ATL2: variants seen among roughly 807,000 people sequenced by gnomAD.
The protein encoded by ATL2 is atlastin GTPase 2, also known as atlastin-2.
A neutral mutation model predicts 73.9 loss-of-function variants in ATL2; 31 were observed. The ratio of observed to expected loss-of-function variants is 0.42; its 90% confidence interval spans 0.32 to 0.57. The LOEUF (loss-of-function observed/expected upper bound fraction) is 0.57. ATL2 is among the 20% of genes least tolerant of loss of function. The pLI is 0.14. For synonymous variants in ATL2, 291 were observed against 237.5 expected (o/e 1.23, Z -2.07); for missense variants, 738 against 702.6 (o/e 1.05, Z -0.57).
chr2:38,309,484 T>A lies in ATL2; in HGVS notation c.966A>T (p.Arg322=), dbSNP rs2305243. 7 of 1,611,250 alleles carry A rather than the reference T, an allele frequency of 4.3e-6. No individual in the cohort carries two copies. Among genetic ancestry groups the A allele is most frequent in the East Asian group, 2.2e-5 (1 of 44,788 alleles). Residue 322 remains arginine, a synonymous_variant, in exon 9 of 13, where the codon CGA becomes CGT. Transcript: ENST00000378954. The stretch of plus-strand genomic sequence containing the variant: ...GCAATGGAACCAGATTTCGAAGCTC[T>A]CGTTTAAAGTCTTCATCAATATCTA... The part of the protein sequence containing the change: ...RLKDIDEDFK[R]ELRNLVPLLL...
intron 1 of ATL2, among the ~76,000 whole-genome samples, chr2:38,368,028 G>A (rs1383727165): frequency 1.3e-4 from 19 of 150,568 alleles, no homozygotes; most frequent in South Asian, 4.2e-4. Flanking sequence ...TCCACCTTCC[G>A]GGTTCACACC....
intron 1 of ATL2, among the ~76,000 whole-genome samples, chr2:38,370,246 C>T (rs1671600195): frequency 6.8e-6 from 1 of 147,930 alleles, no homozygotes; most frequent in African/African-American, 2.5e-5. Context: ...GGTGGATCAC[C>T]TGAGGTCAGG....
chr2:38,370,984 TAC>T (rs1671659108), intron 1 of ATL2, among the ~76,000 whole-genome samples: 1 of 149,848 alleles, frequency 6.7e-6, no homozygotes, highest in Non-Finnish European at 1.5e-5. Flanking sequence ...AGGAAAAAAA[TAC>T]AAAAAGATAA....
chr2:38,302,659 C>G (rs1214530394), intron 9 of ATL2, among the ~76,000 whole-genome samples: 2 of 151,488 alleles, frequency 1.3e-5, no homozygotes, highest in Non-Finnish European at 2.9e-5. Context: ...TGGAAGAGAA[C>G]AAGAGTCTCT....
chr2:38,354,677 G>A (rs775773053), intron 1 of ATL2, among the ~76,000 whole-genome samples: 50 of 151,978 alleles, frequency 3.3e-4, no homozygotes, highest in Admixed American at 8.5e-4. Flanking sequence ...ATCACCTGAG[G>A]TTGAGAGTTC....
At chr2:38,328,515 G>A (rs1051599748) in intron 2 of ATL2, among the ~76,000 whole-genome samples, 1 of 152,036 alleles carries the variant, frequency 6.6e-6, no homozygotes, top group African/African-American at 2.4e-5. Flanking sequence ...CTAGAAATCA[G>A]TAACAGAAAC....
chr2:38,355,213 G>A (rs1485092629), intron 1 of ATL2, among the ~76,000 whole-genome samples: 2 of 151,926 alleles, frequency 1.3e-5, no homozygotes, highest in Non-Finnish European at 1.5e-5. Context: ...TACAACCTCC[G>A]CCTCCTGGGT....
At chr2:38,360,259 CTTTTT>C (rs566192942) in intron 1 of ATL2, among the ~76,000 whole-genome samples, 1 of 135,390 alleles carries the variant, frequency 7.4e-6, no homozygotes, top group Admixed American at 7.5e-5. Context: ...TCAGGGGATT[CTTTTT>C]TTTTTTTTTA....
chr2:38,343,187 TCTGGTTTTTGTCTA>T, intron 2 of ATL2, 67 bp downstream of exon 2: 5 of 659,358 alleles, frequency 7.6e-6, no homozygotes, highest in Non-Finnish European at 1.2e-5. Flanking sequence ...AAGATATAGT[TCTGGTTTTTGTCTA>T]TTTTTTTAAC....
chr2:38,338,929 A>G (rs571446581), intron 2 of ATL2, among the ~76,000 whole-genome samples: 56 of 152,252 alleles, frequency 3.7e-4, no homozygotes, highest in African/African-American at 1.3e-3. Flanking sequence ...TATGCCTCAA[A>G]ATAGTCAAGA....
intron 1 of ATL2, among the ~76,000 whole-genome samples, chr2:38,372,769 G>A (rs1356350904): frequency 6.6e-6 from 1 of 152,018 alleles, no homozygotes; most frequent in Non-Finnish European, 1.5e-5. Flanking sequence ...CACCCATTAT[G>A]GTAATAACCA....
intron 1 of ATL2, among the ~76,000 whole-genome samples, chr2:38,355,397 T>C (rs1398618754): frequency 1.3e-5 from 2 of 152,286 alleles, no homozygotes; most frequent in Admixed American, 1.3e-4. Flanking sequence ...ATTACAGGCG[T>C]GAGCCACTGC....
chr2:38,377,905 T>TAA (rs752512979), upstream of ATL2, among the ~76,000 whole-genome samples: 7 of 151,956 alleles, frequency 4.6e-5, no homozygotes, highest in African/African-American at 7.2e-5. Context: ...CCCATCTACT[T>TAA]ATGAGACCTT....
At chr2:38,371,551 C>CTAGGG (rs1330419149) in intron 1 of ATL2, among the ~76,000 whole-genome samples, 1 of 151,458 alleles carries the variant, frequency 6.6e-6, no homozygotes, top group Admixed American at 6.6e-5. Context: ...TGTAAGTTTG[C>CTAGGG]TAGGGTAGAT....
At chr2:38,374,983 A>C (rs549391456) in intron 1 of ATL2, among the ~76,000 whole-genome samples, 2 of 152,324 alleles carry the variant, frequency 1.3e-5, no homozygotes, top group South Asian at 4.1e-4. Flanking sequence ...ACTTCTCCCT[A>C]AATAATTTCG....
chr2:38,318,650 G>C lies in ATL2; in HGVS notation c.499-11C>G, dbSNP rs777244611. ...AAGCAGCACAGCAACCTAGGAATTT[G>C]AGAGTTTAAAATATTTAGTAAAACA... On this transcript the variant is annotated splice_polypyrimidine_tract_variant and intron_variant, in intron 3 of 12. Coordinates refer to ENST00000378954, the MANE Select transcript of ATL2 (RefSeq NM_001135673.4). 1.5e-5 allele frequency: 23 copies of C among 1,570,066 alleles called. No individual in the cohort carries two copies. Among genetic ancestry groups the C allele is most frequent in the Non-Finnish European group, 1.9e-5 (22 of 1,162,616 alleles).
intron 9 of ATL2, among the ~76,000 whole-genome samples, chr2:38,303,946 C>T (rs778169256): frequency 1.1e-4 from 16 of 152,042 alleles, no homozygotes; most frequent in African/African-American, 3.4e-4. Flanking sequence ...GCCTGGACAA[C>T]GTAGAGAAAT....
chr2:38,337,120 A>G (rs1050195333), intron 2 of ATL2, among the ~76,000 whole-genome samples: 2 of 152,088 alleles, frequency 1.3e-5, no homozygotes, highest in African/African-American at 4.8e-5. Context: ...GAAACCTAAA[A>G]TGCATTAAAA....
At position 38,295,917 on chromosome 2, in the gene ATL2, G is replaced by T; in HGVS notation, c.*77C>A. The stretch of plus-strand genomic sequence containing the variant: ...CTTCTACAGTTGATTGTAAACTTTG[G>T]TTTATTTTTATTTGAGTTCTCATTG... On this transcript the variant is annotated 3_prime_UTR_variant, in exon 13 of 13. Transcript: ENST00000378954. The T allele has an allele frequency of 3.2e-6, 4 of 1,263,874 alleles. No homozygotes were observed. The highest frequency in any genetic ancestry group is 1.9e-4 in the Middle Eastern group (1 of 5,324). The allele number at this position is 1,263,874 out of a possible 1,614,324, so 78.3% of individuals were successfully genotyped here.
Sources: gnomAD v4.1 joint callset for allele counts (sites outside exome capture counted in the v4.1 genomes callset) on GRCh38, gnomAD v4.1.1 for gene constraint, MANE v1.5 for transcripts, NCBI Gene and HGNC (gene_info 2026-07-23, HGNC 2026-07-21) for gene names.